MLLT3: variants seen among roughly 807,000 people sequenced by gnomAD.
MLLT3 encodes protein AF-9.
Under a neutral mutation model 53.2 loss-of-function variants are expected in MLLT3, and 4 were observed. The observed-to-expected ratio is 0.08, with a 90% CI of 0.04 to 0.17. MLLT3 has a LOEUF of 0.17. MLLT3 is among the 10% of genes least tolerant of loss of function. The probability of loss-of-function intolerance (pLI) is 1.00; values close to 1 mark genes in which losing one functional copy is unlikely to be tolerated. For missense variants in MLLT3, 569 were observed against 684.0 expected (o/e 0.83, Z 1.87); for synonymous variants, 283 against 230.6 (o/e 1.23, Z -2.06).
At chr9:20,388,172 C>CCTGA (rs1554677863) in intron 5 of MLLT3, among the ~76,000 whole-genome samples, 1 of 152,154 alleles carries the variant, frequency 6.6e-6, no homozygotes, top group African/African-American at 2.4e-5. Flanking sequence ...AAAATATGTA[C>CCTGA]TTGTTTCTTT....
chr9:20,385,574 A>G (rs1399207156), intron 5 of MLLT3, among the ~76,000 whole-genome samples: 1 of 152,178 alleles, frequency 6.6e-6, no homozygotes, highest in Non-Finnish European at 1.5e-5. Context: ...TCCTAAAGCA[A>G]TAAGAAATAC....
chr9:20,600,459 A>G (rs1820394265), intron 2 of MLLT3, among the ~76,000 whole-genome samples: 2 of 152,194 alleles, frequency 1.3e-5, no homozygotes, highest in South Asian at 4.1e-4. Flanking sequence ...ACTGGTGTAC[A>G]TTCTCAACCC....
intron 2 of MLLT3, among the ~76,000 whole-genome samples, chr9:20,475,227 G>C (rs1328262841): frequency 2.0e-5 from 3 of 152,080 alleles, no homozygotes; most frequent in Non-Finnish European, 4.4e-5. Flanking sequence ...AGAAATGTCA[G>C]CCACTTGACT....
rs1186925549 is a variant in MLLT3 at position 20,448,399 on chromosome 9, TG to T, written c.277-134del. ...AACAGCTAAACTGTCAAAGTAGTAC[TG>T]GGAAAAAAAAAAGTATCATGGAATC... On this transcript the variant is annotated intron_variant, in intron 3 of 10. Transcript: ENST00000380338. The surrounding 1 kb of genome is among the most constrained non-coding windows in gnomAD (Gnocchi z 4.0). 1.5e-6 allele frequency: 1 copy of T among 676,368 alleles called. No individual in the cohort carries two copies. Among genetic ancestry groups the T allele is most frequent in the Non-Finnish European group, 2.3e-6 (1 of 429,222 alleles). The allele number at this position is 676,368 out of a possible 1,614,324, so 41.9% of individuals were successfully genotyped here.
At chr9:20,350,384 A>G (rs1049539040) in intron 10 of MLLT3, among the ~76,000 whole-genome samples, 1 of 152,084 alleles carries the variant, frequency 6.6e-6, no homozygotes, top group Admixed American at 6.5e-5. Context: ...TCACGAGGTC[A>G]GGAGATCAAG....
At chr9:20,497,993 G>T (rs973271897) in intron 2 of MLLT3, among the ~76,000 whole-genome samples, 1 of 151,956 alleles carries the variant, frequency 6.6e-6, no homozygotes, top group Non-Finnish European at 1.5e-5. Flanking sequence ...ACAGTGAGGC[G>T]AGTGGATCAC....
At chr9:20,451,891 A>T (rs184866342) in intron 3 of MLLT3, among the ~76,000 whole-genome samples, 1 of 152,320 alleles carries the variant, frequency 6.6e-6, no homozygotes, top group East Asian at 1.9e-4. Flanking sequence ...GAAACACACA[A>T]TTCTCACAAA....
rs1398107795 is a variant in MLLT3, at chr9:20,620,639, G to C, written c.193+15C>G. On this transcript the variant is annotated intron_variant, in intron 2 of 10. Transcript: ENST00000380338. This position sits in a 1 kb window ranked among gnomAD's most constrained non-coding sequence, Gnocchi z 6.1. ...AGACATTTTTTATCAAGACCCTTTT[G>C]TATTCGAGCCCTACCTCTTTTTGGC... 1.2e-6 allele frequency: 2 copies of C among 1,610,702 alleles called. No homozygotes were observed. The highest frequency in any genetic ancestry group is 1.7e-4 in the Middle Eastern group (1 of 6,052).
rs1819270925 is a variant in MLLT3, at chr9:20,563,463, T to C, written c.193+57191A>G. Among the ~76,000 whole-genome samples the C allele has an allele frequency of 2.6e-5, 4 of 152,132 alleles. No homozygotes were observed. In the South Asian group the frequency reaches 8.3e-4, roughly 31 times the overall value. On this transcript the variant is annotated intron_variant, in intron 2 of 10. Coordinates refer to ENST00000380338, the MANE Select transcript of MLLT3 (RefSeq NM_004529.4). ...TTTCCTTTTCTTTTTGTTGACAGTC[T>C]ATTCAGACAAACCAGGCTAAATACA...
At chr9:20,384,859 A>G (rs1217231299) in intron 5 of MLLT3, among the ~76,000 whole-genome samples, 2 of 152,018 alleles carry the variant, frequency 1.3e-5, no homozygotes, top group Non-Finnish European at 2.9e-5. Context: ...ACCAAATTTG[A>G]CTCACTAAGT....
At chr9:20,423,125 G>A (rs1011483123) in intron 4 of MLLT3, among the ~76,000 whole-genome samples, 1 of 152,084 alleles carries the variant, frequency 6.6e-6, no homozygotes, top group Admixed American at 6.5e-5. Flanking sequence ...TGACCTTCTA[G>A]GCTCAAGTGA....
At chr9:20,547,462 G>A (rs1818816790) in intron 2 of MLLT3, among the ~76,000 whole-genome samples, 1 of 151,514 alleles carries the variant, frequency 6.6e-6, no homozygotes, top group African/African-American at 2.4e-5. Context: ...CGGCCAACAT[G>A]ATGAAACCCC....
At chr9:20,426,384 C>T (rs77733808) in intron 4 of MLLT3, among the ~76,000 whole-genome samples, 2 of 152,050 alleles carry the variant, frequency 1.3e-5, no homozygotes, top group Non-Finnish European at 2.9e-5. Flanking sequence ...TGATAATTAG[C>T]CTTGATAAAT....
intron 2 of MLLT3, among the ~76,000 whole-genome samples, chr9:20,599,209 C>T (rs1327899647): frequency 2.0e-5 from 3 of 150,606 alleles, no homozygotes; most frequent in African/African-American, 7.4e-5. Context: ...GAAGCTGAGA[C>T]AGGAGAATCA....
intron 3 of MLLT3, among the ~76,000 whole-genome samples, chr9:20,456,211 T>G (rs1361093062): frequency 6.6e-6 from 1 of 152,122 alleles, no homozygotes; most frequent in Admixed American, 6.5e-5. Flanking sequence ...AGTGCTGGGA[T>G]TACAGGTGTG....
intron 2 of MLLT3, among the ~76,000 whole-genome samples, chr9:20,498,796 A>T (rs1255113306): frequency 6.6e-6 from 1 of 152,158 alleles, no homozygotes; most frequent in Non-Finnish European, 1.5e-5. Context: ...ATTTTCTCCC[A>T]GGCTGTGGCT....
rs527611538 is a variant in MLLT3 at position 20,353,684 on chromosome 9, A to G, written c.1504-88T>C. The G allele has an allele frequency of 1.4e-5, 16 of 1,142,986 alleles. No homozygotes were observed. In the East Asian group the frequency reaches 1.4e-4, roughly 10 times the overall value. The allele number at this position is 1,142,986 out of a possible 1,614,324, so 70.8% of individuals were successfully genotyped here. On this transcript the variant is annotated intron_variant, in intron 9 of 10. Coordinates refer to ENST00000380338, the MANE Select transcript of MLLT3 (RefSeq NM_004529.4). Reference sequence around the variant, plus strand: ...AATATGTAAGTAAGAACACACAGGCAGCAGCAGCTGGAGGTTTCTCATTAC... The same window carrying G: ...AATATGTAAGTAAGAACACACAGGCGGCAGCAGCTGGAGGTTTCTCATTAC...
intron 2 of MLLT3, among the ~76,000 whole-genome samples, chr9:20,468,343 C>G (rs938356562): frequency 6.6e-6 from 1 of 151,992 alleles, no homozygotes; most frequent in African/African-American, 2.4e-5. Flanking sequence ...AGCTCCTTGA[C>G]AGGGATATGT....
chr9:20,482,054 A>G (rs562123846), intron 2 of MLLT3, among the ~76,000 whole-genome samples: 1 of 152,298 alleles, frequency 6.6e-6, no homozygotes, highest in South Asian at 2.1e-4. Flanking sequence ...ACTTGTTTAG[A>G]CATTATCTCC....
Sources: gnomAD v4.1 joint callset for allele counts (sites outside exome capture counted in the v4.1 genomes callset) on GRCh38, gnomAD v4.1.1 for gene constraint, Gnocchi (gnomAD v3.1) non-coding constraint, MANE v1.5 for transcripts, NCBI Gene and HGNC (gene_info 2026-07-23, HGNC 2026-07-21) for gene names.